Variants in ZNF208 observed in about 807,000 individuals in gnomAD.
ZNF208 encodes zinc finger protein 95.
In ZNF208, 10 loss-of-function variants were observed where a neutral mutation model predicts 12.1. The observed-to-expected ratio is 0.83, with a 90% CI of 0.51 to 1.40. The LOEUF is 1.40. Ranked by LOEUF, ZNF208 falls within the 40% of genes most tolerant of loss-of-function variation. ZNF208 has a pLI of 0.00. For missense variants in ZNF208, 1,652 were observed against 1,485.0 expected (o/e 1.11, Z -1.85); for synonymous variants, 497 against 488.4 (o/e 1.02, Z -0.23).
At chr19:21,974,891 C>A in intron 3 of ZNF208, 84 bp from the exon 4 acceptor site, 1 of 1,407,908 alleles carries the variant, frequency 7.1e-7, no homozygotes, top group South Asian at 1.6e-5. Context: ...TAAAATTATT[C>A]AAACTACATA....
intron 4 of ZNF208, among the ~76,000 whole-genome samples, chr19:21,950,052 A>C (rs1237220761): frequency 6.6e-6 from 1 of 152,224 alleles, no homozygotes; most frequent in Non-Finnish European, 1.5e-5. Flanking sequence ...GTAGTTGTGT[A>C]AACTGGTAAA....
At chr19:21,978,823 A>G (rs1970482018) in intron 3 of ZNF208, among the ~76,000 whole-genome samples, 1 of 152,208 alleles carries the variant, frequency 6.6e-6, no homozygotes. Flanking sequence ...CCAGGAAGCT[A>G]AGAACCTTGA....
chr19:21,983,607 GC>G (rs1487200829), intron 3 of ZNF208, among the ~76,000 whole-genome samples: 1 of 152,022 alleles, frequency 6.6e-6, no homozygotes, highest in Non-Finnish European at 1.5e-5. Context: ...CAACCCAAAT[GC>G]CCATCAGTAA....
intron 4 of ZNF208, among the ~76,000 whole-genome samples, chr19:21,957,749 ATAGT>A (rs1250756233): frequency 6.6e-6 from 1 of 152,200 alleles, no homozygotes. Flanking sequence ...CTATGTTCAA[ATAGT>A]TAGGCCAAGT....
intron 1 of ZNF208, among the ~76,000 whole-genome samples, 184 bp from the exon 2 acceptor site, chr19:21,989,093 AATT>A (rs1416495308): frequency 4.6e-5 from 7 of 150,830 alleles, no homozygotes; most frequent in Admixed American, 2.0e-4. Flanking sequence ...TTCTTTTTTT[AATT>A]ATTATTATAC....
In ZNF208 at chr19:21,971,759, T is replaced by C; in HGVS notation, c.3275A>G (p.Lys1092Arg). ...EEPYKCEECG[K>R]AFNWSSNLME... ...AAGGTTTGAGGACCAGTTGAAAGCT[T>C]TGCCACATTCTTCACATTTGTAGGG... is the stretch of plus-strand genomic sequence containing the variant. Residue 1092 changes from lysine (K) to arginine (R), a missense_variant, in exon 4 of 4, where the codon AAA (lysine) becomes AGA (arginine). Physicochemically the swap from Lys to Arg is conservative, Grantham distance 26. This residue lies in a region of ZNF208 where 1,239 missense variants were observed against 1,086.2 expected (regional missense o/e 1.14). Transcript: ENST00000397126. The C allele has an allele frequency of 6.2e-7, 1 of 1,614,006 alleles. No homozygotes were observed. Among genetic ancestry groups the C allele is most frequent in the Non-Finnish European group, 8.5e-7 (1 of 1,179,950 alleles).
At position 21,987,374 on chromosome 19, in the gene ZNF208, T is replaced by C. The variant is rs868142348; in HGVS notation, c.131-63A>G. On this transcript the variant is annotated intron_variant, in intron 2 of 3. Coordinates refer to ENST00000397126, the MANE Select transcript of ZNF208 (RefSeq NM_007153.3). ...TATTCTCCAATTACCAACTCAGTAA[T>C]GTGCTCAGTAAAGAGGATGTAATAG... The C allele has an allele frequency of 3.3e-5, 49 of 1,491,068 alleles. No individual in the cohort carries two copies. The African/African-American group carries it at 6.1e-4, about 18-fold the overall frequency. 92.4% of individuals were successfully genotyped at this position (1,491,068 alleles called of 1,614,324 possible).
intron 4 of ZNF208, among the ~76,000 whole-genome samples, chr19:21,943,009 T>C (rs1969765413): frequency 6.6e-6 from 1 of 152,208 alleles, no homozygotes; most frequent in Non-Finnish European, 1.5e-5. Flanking sequence ...ATTTATCAAG[T>C]TGCTTGTAGT....
intron 4 of ZNF208, among the ~76,000 whole-genome samples, chr19:21,960,184 T>C (rs1426591671): frequency 1.3e-5 from 2 of 152,142 alleles, no homozygotes; most frequent in Admixed American, 6.6e-5. Flanking sequence ...AAATTGTTGT[T>C]TCACTAATCA....
chr19:21,944,079 G>A (rs547433085), intron 4 of ZNF208, among the ~76,000 whole-genome samples: 5 of 152,212 alleles, frequency 3.3e-5, no homozygotes, highest in South Asian at 2.1e-4. Context: ...TTCATTAAAT[G>A]CTGTTTCATG....
At chr19:21,980,886 A>T (rs1970525844) in intron 3 of ZNF208, among the ~76,000 whole-genome samples, 1 of 152,200 alleles carries the variant, frequency 6.6e-6, no homozygotes, top group Non-Finnish European at 1.5e-5. Flanking sequence ...GGACATCACC[A>T]CTGATTCCAC....
At chr19:21,979,808 CA>C (rs1319630525) in intron 3 of ZNF208, among the ~76,000 whole-genome samples, 1 of 152,164 alleles carries the variant, frequency 6.6e-6, no homozygotes, top group Non-Finnish European at 1.5e-5. Context: ...CAAGATCCAT[CA>C]AAGTGCTGTA....
intron 4 of ZNF208, among the ~76,000 whole-genome samples, chr19:21,950,400 A>T (rs768328220): frequency 6.6e-6 from 1 of 151,944 alleles, no homozygotes; most frequent in Non-Finnish European, 1.5e-5. Context: ...AACCCCTAGA[A>T]TTAAAAGTAA....
intron 1 of ZNF208, among the ~76,000 whole-genome samples, chr19:21,990,514 A>G (rs1424897742): frequency 1.3e-5 from 2 of 151,934 alleles, no homozygotes; most frequent in African/African-American, 4.8e-5. Context: ...TATAGTTTGA[A>G]GTCAGGTAGC....
downstream of ZNF208, among the ~76,000 whole-genome samples, chr19:21,962,742 C>G (rs973912999): frequency 2.0e-5 from 3 of 152,056 alleles, no homozygotes; most frequent in African/African-American, 7.2e-5. Flanking sequence ...AACTATAAAT[C>G]TTTTCAAAAG....
At chr19:21,964,375 A>G (rs1240602436), downstream of ZNF208, among the ~76,000 whole-genome samples, 2 of 151,286 alleles carry the variant, frequency 1.3e-5, no homozygotes, top group Admixed American at 1.3e-4. Flanking sequence ...TTTGAAAGAC[A>G]GACTCTAAAG....
chr19:22,004,089 G>A (rs1971002320), intron 1 of ZNF208, among the ~76,000 whole-genome samples: 1 of 152,050 alleles, frequency 6.6e-6, no homozygotes, highest in African/African-American at 2.4e-5. Flanking sequence ...AGGTAGAAGA[G>A]GATTGCTTGA....
intron 4 of ZNF208, among the ~76,000 whole-genome samples, chr19:21,960,759 T>C (rs748857070): frequency 3.5e-4 from 54 of 152,272 alleles, no homozygotes; most frequent in South Asian, 1.5e-3. Flanking sequence ...TCCACCATGA[T>C]TGTAAGTTTC....
In ZNF208 at chr19:21,940,567, A is replaced by C. The variant is rs564634917; in HGVS notation, c.306-7330T>G. The C allele has an allele frequency of 3.3e-5, 5 of 151,776 alleles. No individual in the cohort carries two copies. In the East Asian group the frequency reaches 7.8e-4, roughly 24 times the overall value. The allele number at this position is 151,776 out of a possible 1,614,324, so 9.4% of individuals were successfully genotyped here. On this transcript the variant is annotated intron_variant, in intron 4 of 4. Coordinates refer to the ZNF208 transcript ENST00000599916. Reference sequence around the variant, plus strand: ...CGATTGGGTCAGATATGCCAGTTCTACTCTCTCTCTCTATATATATTTTGG... The same window carrying C: ...CGATTGGGTCAGATATGCCAGTTCTCCTCTCTCTCTCTATATATATTTTGG...
Sources: allele counts gnomAD v4.1 joint callset (sites outside exome capture counted in the v4.1 genomes callset), GRCh38; gene constraint gnomAD v4.1.1; regional missense constraint gnomAD v4.1.1; transcripts MANE v1.5; gene names NCBI Gene and HGNC (gene_info 2026-07-23, HGNC 2026-07-21).